Variants in SRRM4 observed in about 807,000 individuals in gnomAD.
SRRM4 encodes the protein serine/arginine repetitive matrix protein 4.
Under a neutral mutation model 68.9 loss-of-function variants are expected in SRRM4, and 33 were observed. The ratio of observed to expected loss-of-function variants is 0.48; its 90% CI spans 0.36 to 0.64. The LOEUF (loss-of-function observed/expected upper bound fraction) is 0.64, where lower values mean the gene tolerates loss of function less well. Among genes scored for constraint, SRRM4 ranks in the 30% least tolerant of loss-of-function variants. The pLI, the probability that SRRM4 is intolerant of heterozygous loss-of-function variation, is 0.00. For missense variants in SRRM4, 817 were observed against 827.1 expected, an observed-to-expected ratio of 0.99 and a Z score of 0.15; for synonymous variants, 318 against 318.8, an observed-to-expected ratio of 1.00 and a Z score of 0.03.
chr12:119,006,483 T>G (rs1953417166), intron 1 of SRRM4, among the ~76,000 whole-genome samples: 1 of 152,176 alleles, frequency 6.6e-6, no homozygotes, highest in Non-Finnish European at 1.5e-5. Flanking sequence ...CCCAGCTTCC[T>G]GGACTCCCAG....
At position 119,156,635 on chromosome 12, in the gene SRRM4, G is replaced by C. The variant is rs764900802; in HGVS notation, c.1673G>C (p.Ser558Thr). ...TCCCGGAGCCGGAGTCGGAGCCGGA[G>C]CCGGAGACGGAGCCGGACCCGCACG... ...SYSRSRSRSRSRRRSRTRTSS... is the reference protein window; with the variant it reads ...SYSRSRSRSRTRRRSRTRTSS... Residue 558 changes from serine (S) to threonine (T), a missense_variant, in exon 13 of 13, where the codon AGC becomes ACC. Ser to Thr is a moderately conservative substitution (Grantham distance 58, BLOSUM62 1). Transcript: ENST00000267260. The C allele has an allele frequency of 1.3e-6, 2 of 1,598,106 alleles. No individual in the cohort carries two copies. Among genetic ancestry groups the C allele is most frequent in the Admixed American group, 3.4e-5 (2 of 58,370 alleles).
At chr12:119,023,723 T>C (rs1321009920) in intron 1 of SRRM4, among the ~76,000 whole-genome samples, 1 of 152,224 alleles carries the variant, frequency 6.6e-6, no homozygotes, top group Non-Finnish European at 1.5e-5. Context: ...AATGATCTGG[T>C]CACTGCCTCC....
intron 2 of SRRM4, among the ~76,000 whole-genome samples, chr12:119,108,297 T>C (rs1337246245): frequency 2.0e-5 from 3 of 152,190 alleles, no homozygotes; most frequent in Non-Finnish European, 1.5e-5. Flanking sequence ...TTCTCCTGAT[T>C]TGGGGTGGAG....
chr12:119,066,860 T>C (rs1953849207), intron 1 of SRRM4, among the ~76,000 whole-genome samples: 1 of 152,212 alleles, frequency 6.6e-6, no homozygotes, highest in African/African-American at 2.4e-5. Context: ...TGCTACTGGC[T>C]CTAGCTCCCC....
intron 1 of SRRM4, among the ~76,000 whole-genome samples, chr12:119,027,059 A>G (rs1487964439): frequency 6.6e-6 from 1 of 152,136 alleles, no homozygotes; most frequent in Non-Finnish European, 1.5e-5. Context: ...CTGGACGCTG[A>G]TGTCTGGGAG....
intron 1 of SRRM4, among the ~76,000 whole-genome samples, chr12:119,022,825 A>C (rs754946130): frequency 1.3e-5 from 2 of 152,206 alleles, no homozygotes; most frequent in African/African-American, 2.4e-5. Context: ...AGAAGTCCAG[A>C]GGCAGAGTTG....
At chr12:119,078,913 G>A (rs780304752) in intron 1 of SRRM4, among the ~76,000 whole-genome samples, 1 of 152,152 alleles carries the variant, frequency 6.6e-6, no homozygotes, top group Non-Finnish European at 1.5e-5. Context: ...CAGGGCAACA[G>A]AGCAAGACTT....
intron 1 of SRRM4, chr12:119,001,029 G>A (rs1953380311): frequency 1.4e-5 from 1 of 72,866 alleles, no homozygotes; most frequent in Non-Finnish European, 4.1e-5. Flanking sequence ...TTAAATGAGG[G>A]TGGCATAGTT....
At chr12:119,081,773 G>A (rs756204521) in intron 1 of SRRM4, among the ~76,000 whole-genome samples, 10 of 152,234 alleles carry the variant, frequency 6.6e-5, no homozygotes, top group Non-Finnish European at 1.3e-4. Context: ...CATGAGAGAA[G>A]TGATTGGATT....
At chr12:118,983,601 A>T (rs1953263792) in intron 1 of SRRM4, among the ~76,000 whole-genome samples, 1 of 152,178 alleles carries the variant, frequency 6.6e-6, no homozygotes. Context: ...TTGTAGAAGG[A>T]ACTAGAGGAA....
At chr12:119,077,387 C>T (rs1391826600) in intron 1 of SRRM4, among the ~76,000 whole-genome samples, 2 of 152,056 alleles carry the variant, frequency 1.3e-5, no homozygotes, top group African/African-American at 2.4e-5. Flanking sequence ...AACACACTTA[C>T]GATTCTGGCT....
chr12:118,994,397 C>T (rs1238910417), intron 1 of SRRM4, among the ~76,000 whole-genome samples: 1 of 152,172 alleles, frequency 6.6e-6, no homozygotes, highest in Non-Finnish European at 1.5e-5. Flanking sequence ...GAGGCTTCCA[C>T]CACAGAGACT....
In SRRM4 at chr12:119,153,663, C is replaced by T. The variant is rs1333163931; in HGVS notation, c.1391+14C>T. 24 of 1,537,320 alleles carry T rather than the reference C, an allele frequency of 1.6e-5. No individual in the cohort carries two copies. The highest frequency in any genetic ancestry group is 9.8e-5 in the Admixed American group (5 of 51,258). ...CAGCCCCAGCAGGTACCGGCCCCGC[C>T]CCTCAAACTAGGCCCGTCCTAGGCC... On this transcript the variant is annotated intron_variant, in intron 11 of 12. Coordinates refer to ENST00000267260, the MANE Select transcript of SRRM4 (RefSeq NM_194286.4).
chr12:118,996,401 T>C (rs1398346036), intron 1 of SRRM4, among the ~76,000 whole-genome samples: 1 of 152,096 alleles, frequency 6.6e-6, no homozygotes, highest in African/African-American at 2.4e-5. Context: ...AGATTTCACA[T>C]ATGCAAAAAA....
At position 119,117,907 on chromosome 12, in the gene SRRM4, T is replaced by A. The variant is rs146803842; in HGVS notation, c.437+899T>A. On this transcript the variant is annotated intron_variant, in intron 4 of 12. Transcript: ENST00000267260. ...AGCCTGGCAGCAGAGTGAGACTCTG[T>A]CTAAAAAACAAACAAACAAACAAAC... 9.1e-3 allele frequency among the ~76,000 whole-genome samples: 1,368 copies of A among 150,388 alleles called. 15 individuals are homozygous for A. Among genetic ancestry groups the A allele is most frequent in the Middle Eastern group, 0.017 (5 of 290 alleles).
At chr12:119,027,241 T>A (rs1017156281) in intron 1 of SRRM4, among the ~76,000 whole-genome samples, 1 of 152,216 alleles carries the variant, frequency 6.6e-6, no homozygotes, top group Non-Finnish European at 1.5e-5. Flanking sequence ...GGAATTGTGA[T>A]CCTGTATTTC....
intron 1 of SRRM4, among the ~76,000 whole-genome samples, chr12:118,995,332 C>G (rs973366536): frequency 6.6e-6 from 1 of 152,190 alleles, no homozygotes; most frequent in African/African-American, 2.4e-5. Flanking sequence ...GCTGCTAACT[C>G]TCACTAACTC....
At chr12:119,067,613 C>T (rs1953853920) in intron 1 of SRRM4, among the ~76,000 whole-genome samples, 1 of 152,134 alleles carries the variant, frequency 6.6e-6, no homozygotes, top group African/African-American at 2.4e-5. Context: ...GAGGTTCAGG[C>T]AGGAGAATCA....
At chr12:119,110,648 G>A (rs902052822) in intron 2 of SRRM4, among the ~76,000 whole-genome samples, 5 of 152,238 alleles carry the variant, frequency 3.3e-5, no homozygotes, top group Non-Finnish European at 5.9e-5. Flanking sequence ...TAATCTCCTG[G>A]TGTGCCATTT....
Sources: allele counts gnomAD v4.1 joint callset (sites outside exome capture counted in the v4.1 genomes callset), GRCh38; gene constraint gnomAD v4.1.1; transcripts MANE v1.5; gene names NCBI Gene and HGNC (gene_info 2026-07-23, HGNC 2026-07-21).